AVEN: variants seen among roughly 807,000 people sequenced by gnomAD.
AVEN encodes the protein apoptosis and caspase activation inhibitor.
AVEN carries 41 observed loss-of-function variants against 38.1 expected under a neutral mutation model. That is an observed-to-expected ratio of 1.08 (90% CI 0.84 to 1.40). The LOEUF is 1.40. Ranked by LOEUF, AVEN falls within the 40% of genes most tolerant of loss-of-function variation. The probability of loss-of-function intolerance (pLI) is 0.00; values close to 1 mark genes in which losing one functional copy is unlikely to be tolerated. For missense variants in AVEN, 605 were observed against 438.8 expected, an observed-to-expected ratio of 1.38 and a Z score of -3.38; for synonymous variants, 206 against 171.8, an observed-to-expected ratio of 1.20 and a Z score of -1.56.
intron 2 of AVEN, among the ~76,000 whole-genome samples, chr15:33,953,992 G>T (rs562385011): frequency 1.6e-4 from 24 of 152,176 alleles, no homozygotes; most frequent in African/African-American, 4.8e-4. Flanking sequence ...GTGGGCAAAG[G>T]ATATGAACAG....
At chr15:33,931,935 G>A (rs1248411415) in intron 2 of AVEN, among the ~76,000 whole-genome samples, 2 of 152,130 alleles carry the variant, frequency 1.3e-5, no homozygotes, top group African/African-American at 4.8e-5. Context: ...AAAGCATCCA[G>A]AATCCTCACA....
intron 2 of AVEN, among the ~76,000 whole-genome samples, chr15:33,963,796 CAA>C (rs57116335): frequency 2.7e-5 from 3 of 112,460 alleles, no homozygotes; most frequent in African/African-American, 3.6e-5. Flanking sequence ...GACTCTGTCT[CAA>C]AAAAAAAAAA....
At chr15:34,074,760 G>C (rs1159069992) in exon 1 of AVEN, among the ~76,000 whole-genome samples, 1 of 152,186 alleles carries the variant, frequency 6.6e-6, no homozygotes, top group Non-Finnish European at 1.5e-5. Context: ...AGTACTGGGA[G>C]TTAGGACTCC....
At chr15:33,853,560 C>G in the AVEN span, 1 of 1,613,494 alleles carries the variant, frequency 6.2e-7, no homozygotes, top group Non-Finnish European at 8.5e-7. Flanking sequence ...TTCAGGTGAT[C>G]AACAAGTATG....
chr15:34,027,139 CA>C lies in AVEN; in HGVS notation c.267+11640del, dbSNP rs200932704. On this transcript the variant is annotated intron_variant, in intron 1 of 5. Transcript: ENST00000306730. ...AAGTAGCCAAAGACTCACAAAAGTC[CA>C]AGGAGTGTTTATTTAAAACAGCTAA... Among the ~76,000 whole-genome samples, 666 of 152,248 alleles carry C rather than the reference CA, an allele frequency of 4.4e-3. 8 individuals carry two copies. The highest frequency in any genetic ancestry group is 0.015 in the African/African-American group (638 of 41,540).
intron 4 of AVEN, among the ~76,000 whole-genome samples, chr15:33,869,950 G>A (rs969567361): frequency 6.6e-6 from 1 of 151,244 alleles, no homozygotes; most frequent in Non-Finnish European, 1.5e-5. Context: ...TGTATTTCTA[G>A]CCCTTGATGT....
chr15:33,982,896 T>C (rs1017143230), intron 2 of AVEN, among the ~76,000 whole-genome samples: 1 of 152,110 alleles, frequency 6.6e-6, no homozygotes. Context: ...ATCAGTCAAA[T>C]GGTTAGCATG....
intron 2 of AVEN, among the ~76,000 whole-genome samples, chr15:33,968,428 GT>G (rs931077244): frequency 2.0e-5 from 3 of 152,088 alleles, no homozygotes; most frequent in Non-Finnish European, 4.4e-5. Flanking sequence ...TAATTAATGA[GT>G]TTTTTATGTA....
the AVEN span, chr15:33,852,202 C>T: frequency 6.6e-6 from 1 of 152,080 alleles, no homozygotes; most frequent in Non-Finnish European, 1.5e-5. Flanking sequence ...AATGCATGCA[C>T]CAAAGGCCAG....
chr15:33,873,216 C>T (rs1891070589), intron 3 of AVEN, among the ~76,000 whole-genome samples: 1 of 148,698 alleles, frequency 6.7e-6, no homozygotes, highest in Non-Finnish European at 1.5e-5. Context: ...TCTCCTGCCT[C>T]AGCCTCCCAA....
At chr15:33,860,690 C>T in intron 11 of AVEN, 6 of 1,438,438 alleles carry the variant, frequency 4.2e-6, no homozygotes, top group Non-Finnish European at 5.8e-6. Flanking sequence ...AATCCCAGCT[C>T]TATTTTAATA....
intron 1 of AVEN, among the ~76,000 whole-genome samples, chr15:34,030,574 C>T (rs995559136): frequency 2.0e-5 from 3 of 151,974 alleles, no homozygotes; most frequent in African/African-American, 7.3e-5. Flanking sequence ...GTGATCCACC[C>T]GCCTCAGCCT....
rs763833610 is a variant in AVEN at position 34,063,758 on chromosome 15, G to C, written n.1127-326C>G. The C allele has an allele frequency of 6.2e-7, 1 of 1,614,196 alleles. No homozygotes were observed. The highest frequency in any genetic ancestry group is 8.5e-7 in the Non-Finnish European group (1 of 1,180,026). On this transcript the variant is annotated intron_variant and non_coding_transcript_variant, in intron 4 of 11. Coordinates refer to the AVEN transcript ENST00000675287. The surrounding 1 kb of genome is among the most constrained non-coding windows in gnomAD (Gnocchi z 4.1). The stretch of plus-strand genomic sequence containing the variant: ...CTGAAGAGACTGAGGAAACTTTTGT[G>C]AAAGCTGAAACTGAAAAAAGTGACT...
intron 2 of AVEN, among the ~76,000 whole-genome samples, chr15:33,894,091 A>T (rs1892104281): frequency 6.6e-6 from 1 of 152,064 alleles, no homozygotes. Flanking sequence ...CTGGGACTAC[A>T]AGTCAGCACA....
chr15:34,059,609 C>A (rs74007676), intron 5 of AVEN, among the ~76,000 whole-genome samples: 3,911 of 152,258 alleles, frequency 0.026, 171 homozygotes, highest in African/African-American at 0.088. Flanking sequence ...TTGGCTCCAG[C>A]TACCTTGTTT....
intron 11 of AVEN, chr15:33,859,522 C>T (rs1419923928): frequency 1.9e-6 from 3 of 1,598,650 alleles, no homozygotes; most frequent in Non-Finnish European, 2.6e-6. Flanking sequence ...GAGCATCTTG[C>T]TAAAAACAGA....
downstream of AVEN, chr15:33,857,642 A>G: frequency 9.9e-7 from 1 of 1,012,676 alleles, no homozygotes; most frequent in African/African-American, 1.6e-5. Context: ...TAGCTTTCTT[A>G]GCCGCCCTCC....
chr15:33,911,787 C>G (rs1003951529), intron 2 of AVEN, among the ~76,000 whole-genome samples: 16 of 152,178 alleles, frequency 1.1e-4, no homozygotes, highest in African/African-American at 3.9e-4. Flanking sequence ...ATAAACTACA[C>G]AGAAAATTGA....
chr15:33,865,451 G>T, downstream of AVEN: 1 of 487,590 alleles, frequency 2.1e-6, no homozygotes, highest in Non-Finnish European at 3.6e-6. Context: ...GAAGGAAGGC[G>T]AAGAATCAAG....
Sources: gnomAD v4.1 joint callset for allele counts (sites outside exome capture counted in the v4.1 genomes callset) on GRCh38, gnomAD v4.1.1 for gene constraint, Gnocchi (gnomAD v3.1) non-coding constraint, MANE v1.5 for transcripts, NCBI Gene and HGNC (gene_info 2026-07-23, HGNC 2026-07-21) for gene names.